COL22A1: variants seen among roughly 807,000 people sequenced by gnomAD.
COL22A1 encodes collagen alpha-1(XXII) chain.
COL22A1 carries 221 observed loss-of-function variants against 248.9 expected under a neutral mutation model. The observed-to-expected ratio is 0.89, with a 90% CI of 0.80 to 0.99. The LOEUF is 0.99. Ranked by LOEUF, COL22A1 falls within the 50% of genes least tolerant of loss-of-function variation. The pLI is 0.00. For missense variants in COL22A1, 2,240 were observed against 2,179.0 expected, an observed-to-expected ratio of 1.03 and a Z score of -0.56; for synonymous variants, 891 against 793.4, an observed-to-expected ratio of 1.12 and a Z score of -2.07.
intron 22 of COL22A1, among the ~76,000 whole-genome samples, chr8:138,745,622 AAAAC>A (rs1832043812): frequency 1.3e-5 from 2 of 152,350 alleles, no homozygotes; most frequent in East Asian, 1.9e-4. Context: ...AAAGAAAACA[AAAAC>A]AAATTCTCAA....
intron 7 of COL22A1, among the ~76,000 whole-genome samples, chr8:138,818,917 A>T (rs1818884882): frequency 6.6e-6 from 1 of 152,218 alleles, no homozygotes; most frequent in South Asian, 2.1e-4. Flanking sequence ...TAACAGATAA[A>T]CAAAGCCTGG....
intron 33 of COL22A1, 74 bp from the exon 34 acceptor site, chr8:138,694,635 G>T (rs181706472): frequency 4.7e-6 from 7 of 1,490,606 alleles, no homozygotes; most frequent in Non-Finnish European, 6.5e-6. Context: ...GGGCGGGGAC[G>T]TTGCAATGGG....
chr8:138,648,912 T>G (rs1822443704), intron 46 of COL22A1, among the ~76,000 whole-genome samples: 1 of 152,242 alleles, frequency 6.6e-6, no homozygotes, highest in South Asian at 2.1e-4. Context: ...GGACTTTATC[T>G]GCTTAGCTAT....
intron 31 of COL22A1, among the ~76,000 whole-genome samples, chr8:138,700,774 G>A (rs1019865997): frequency 1.2e-4 from 18 of 152,138 alleles, no homozygotes. Flanking sequence ...CACGAGGTCA[G>A]GAGATTGAGA....
At position 138,594,041 on chromosome 8, in the gene COL22A1, G is replaced by T; in HGVS notation, c.4591C>A (p.Pro1531Thr). 4 of 1,585,510 alleles carry T rather than the reference G, an allele frequency of 2.5e-6. No individual in the cohort carries two copies. Among genetic ancestry groups the T allele is most frequent in the Non-Finnish European group, 3.4e-6 (4 of 1,170,704 alleles). Residue 1531 changes from proline (P) to threonine (T), a missense_variant, in exon 63 of 65, where the codon CCC becomes ACC. Physicochemically the swap from Pro to Thr is conservative, Grantham distance 38. Coordinates refer to ENST00000303045, the MANE Select transcript of COL22A1 (RefSeq NM_152888.3). Reference protein sequence around the residue: ...GRPGQGGLEGPSGPIGPKGER... With the variant: ...GRPGQGGLEGTSGPIGPKGER... ...CCTTTGGGACCTATGGGTCCAGAGG[G>T]TCCTTCCAGACCCCCCTGCCCAGGA...
intron 47 of COL22A1, among the ~76,000 whole-genome samples, chr8:138,644,274 G>A (rs373373863): frequency 7.9e-5 from 12 of 152,148 alleles, no homozygotes; most frequent in African/African-American, 2.4e-4. Flanking sequence ...TGAAATGATT[G>A]CATTACTTTT....
intron 59 of COL22A1, among the ~76,000 whole-genome samples, chr8:138,604,044 A>G (rs1247000398): frequency 6.6e-6 from 1 of 152,214 alleles, no homozygotes; most frequent in Non-Finnish European, 1.5e-5. Context: ...GCTTTGCTTC[A>G]GTGTCAAGGA....
intron 39 of COL22A1, among the ~76,000 whole-genome samples, chr8:138,682,551 CT>C (rs1405788628): frequency 2.0e-5 from 3 of 152,172 alleles, no homozygotes; most frequent in Non-Finnish European, 4.4e-5. Context: ...ATAATTTTCA[CT>C]GGATATGGGC....
intron 1 of COL22A1, among the ~76,000 whole-genome samples, chr8:138,885,567 C>T (rs539235870): frequency 6.9e-6 from 1 of 145,266 alleles, no homozygotes; most frequent in African/African-American, 2.7e-5. Flanking sequence ...ACGTATCACA[C>T]AGTTTTTTTT....
intron 19 of COL22A1, 67 bp from the exon 20 acceptor site, chr8:138,755,578 C>G: frequency 6.5e-7 from 1 of 1,542,028 alleles, no homozygotes; most frequent in Non-Finnish European, 9.0e-7. Context: ...CCTCTCTCAG[C>G]TGCACTAAGG....
intron 50 of COL22A1, among the ~76,000 whole-genome samples, chr8:138,627,493 G>A (rs770654242): frequency 2.6e-5 from 4 of 152,156 alleles, no homozygotes; most frequent in Non-Finnish European, 5.9e-5. Flanking sequence ...GGAGAGCATG[G>A]TCCCATAATA....
At chr8:138,717,507 C>A (rs1352712827) in intron 27 of COL22A1, among the ~76,000 whole-genome samples, 1 of 151,876 alleles carries the variant, frequency 6.6e-6, no homozygotes, top group East Asian at 1.9e-4. Flanking sequence ...ACTCTGTCAC[C>A]CAGGCTAGTA....
At position 138,646,647 on chromosome 8, in the gene COL22A1, TG is replaced by T; in HGVS notation, c.3482del (p.Pro1161GlnfsTer3). ...CACTGACCTGTGGTCCAGCTATTCCTGGGGGCCCTGGTAGGCCTGGAGGCCC... is the reference window on the plus strand; with the variant it reads ...CACTGACCTGTGGTCCAGCTATTCCTGGGGCCCTGGTAGGCCTGGAGGCCC... ...EAGPPGLPGP[P>X]GIAGPQGSQG... On this transcript the variant is annotated frameshift_variant, in exon 47 of 65. Transcript: ENST00000303045. LOFTEE classifies it high-confidence loss of function. 6.3e-7 allele frequency: 1 copy of T among 1,582,138 alleles called. No homozygotes were observed. Among genetic ancestry groups the T allele is most frequent in the South Asian group, 1.2e-5 (1 of 85,422 alleles).
intron 1 of COL22A1, among the ~76,000 whole-genome samples, chr8:138,884,007 C>T (rs73352002): frequency 0.012 from 1,794 of 152,292 alleles, 28 homozygotes; most frequent in African/African-American, 0.041. Flanking sequence ...CACCATGCTG[C>T]ACTTGGTAGC....
chr8:138,823,004 T>C (rs1296590108), intron 6 of COL22A1, among the ~76,000 whole-genome samples: 1 of 152,190 alleles, frequency 6.6e-6, no homozygotes, highest in Non-Finnish European at 1.5e-5. Flanking sequence ...CCCCAGTTAC[T>C]TTGCTACAGC....
At chr8:138,907,035 TG>T (rs1315680241) in intron 1 of COL22A1, among the ~76,000 whole-genome samples, 1 of 152,174 alleles carries the variant, frequency 6.6e-6, no homozygotes, top group African/African-American at 2.4e-5. Flanking sequence ...GGCTACTCTG[TG>T]GATAAGAGCA....
rs374559245 is a variant in COL22A1 at position 138,694,849 on chromosome 8, C to T, written c.2623G>A (p.Asp875Asn). ...ACCGGTTCCCCAGGCAGGCCTGGAT[C>T]GCCCTTCTCTCCTTTGGGCCCTTGT... is the stretch of plus-strand genomic sequence containing the variant. ...GEQGPKGEKG[D>N]PGLPGEPGLQ... Residue 875 changes from aspartate to asparagine, a missense_variant, in exon 33 of 65, where the codon GAT becomes AAT. Transcript: ENST00000303045. 5.2e-5 allele frequency: 84 copies of T among 1,613,962 alleles called. No homozygotes were observed. Among genetic ancestry groups the T allele is most frequent in the African/African-American group, 6.7e-5 (5 of 74,904 alleles).
At chr8:138,616,160 C>A in intron 54 of COL22A1, 106 bp from the exon 55 acceptor site, 1 of 925,618 alleles carries the variant, frequency 1.1e-6, no homozygotes. Context: ...GGCCCAGGGG[C>A]CCTGTCAACT....
chr8:138,689,162 G>GA (rs896617590), intron 36 of COL22A1, among the ~76,000 whole-genome samples, 192 bp from the exon 37 acceptor site: 11 of 145,530 alleles, frequency 7.6e-5, no homozygotes, highest in Admixed American at 4.7e-4. Flanking sequence ...CTCTCCCGGG[G>GA]GGGGGGCTGG....
Sources: allele counts gnomAD v4.1 joint callset (sites outside exome capture counted in the v4.1 genomes callset), GRCh38; gene constraint gnomAD v4.1.1; transcripts MANE v1.5; gene names NCBI Gene and HGNC (gene_info 2026-07-23, HGNC 2026-07-21).